CNTN6: variants seen among roughly 807,000 people sequenced by gnomAD.
The protein encoded by CNTN6 is contactin-6.
In CNTN6, 137 loss-of-function variants were observed where a neutral mutation model predicts 122.8. The observed-to-expected ratio is 1.12, with a 90% CI of 0.97 to 1.29. The LOEUF (loss-of-function observed/expected upper bound fraction) is 1.29, where lower values mean the gene tolerates loss of function less well. CNTN6 is among the 50% of genes most tolerant of loss of function. The pLI is 0.00. For synonymous variants in CNTN6, 570 were observed against 426.0 expected, an observed-to-expected ratio of 1.34 and a Z score of -4.16; for missense variants, 1,634 against 1,223.4, an observed-to-expected ratio of 1.34 and a Z score of -5.01.
Position 1,281,283 on chromosome 3 carries a change from C to T in CNTN6, c.454+2775C>T, listed in dbSNP as rs193270567. Among the ~76,000 whole-genome samples the T allele has an allele frequency of 6.8e-3, 1,040 of 152,208 alleles. 16 individuals are homozygous for T. Among genetic ancestry groups the T allele is most frequent in the African/African-American group, 0.024 (1,000 of 41,530 alleles). Reference sequence around the variant, plus strand: ...GCTCCATATTTCCTACCACACATGGCTCTCACAGAGAAACGTCCTAGAAAT... The same window carrying T: ...GCTCCATATTTCCTACCACACATGGTTCTCACAGAGAAACGTCCTAGAAAT... On this transcript the variant is annotated intron_variant, in intron 5 of 22. Transcript: ENST00000446702.
intron 7 of CNTN6, among the ~76,000 whole-genome samples, chr3:1,304,123 G>A (rs1367330359): frequency 6.6e-6 from 1 of 152,136 alleles, no homozygotes; most frequent in African/African-American, 2.4e-5. Context: ...TCAGCTTAGT[G>A]ACACAGTACT....
intron 22 of CNTN6, chr3:1,402,776 G>C (rs1695892423): frequency 7.5e-6 from 2 of 266,200 alleles, no homozygotes; most frequent in South Asian, 1.9e-4. Flanking sequence ...ACAAAAATCA[G>C]AAAGATTTTT....
At chr3:1,384,796 T>TACACAC (rs1168789647) in intron 19 of CNTN6, among the ~76,000 whole-genome samples, 13 of 133,800 alleles carry the variant, frequency 9.7e-5, no homozygotes, top group South Asian at 2.3e-4. Context: ...TATATATATA[T>TACACAC]ACACACACAC....
chr3:1,305,003 A>AAAC lies in CNTN6; in HGVS notation c.761+7013_761+7014insACA, dbSNP rs1407395821. 7.5e-4 allele frequency among the ~76,000 whole-genome samples: 114 copies of AAAC among 151,796 alleles called. 2 individuals are homozygous for AAAC. Among genetic ancestry groups the AAAC allele is most frequent in the Admixed American group, 2.4e-3 (37 of 15,234 alleles). On this transcript the variant is annotated intron_variant, in intron 7 of 22. Transcript: ENST00000446702. ...AGACTCTGTCAAAAAAAAAAAAAAAAACAAAATTCAAAAGATAAACTTGTA... is the reference window on the plus strand; with the variant it reads ...AGACTCTGTCAAAAAAAAAAAAAAAAAACACAAAATTCAAAAGATAAACTTGTA...
chr3:1,323,316 A>G (rs1444447639), intron 8 of CNTN6, among the ~76,000 whole-genome samples: 2 of 151,782 alleles, frequency 1.3e-5, no homozygotes. Flanking sequence ...AGAACCTTGA[A>G]ATGTCTTCTG....
intron 2 of CNTN6, among the ~76,000 whole-genome samples, chr3:1,168,826 A>G (rs188087070): frequency 6.6e-6 from 1 of 152,198 alleles, no homozygotes; most frequent in Non-Finnish European, 1.5e-5. Flanking sequence ...AAAAAGGGAC[A>G]TTCTAGAAGC....
intron 4 of CNTN6, among the ~76,000 whole-genome samples, chr3:1,250,017 A>C: frequency 6.6e-6 from 1 of 152,048 alleles, no homozygotes; most frequent in East Asian, 1.9e-4. Flanking sequence ...TTTTTATTTA[A>C]AAAGGTGTAA....
At chr3:1,323,795 C>T (rs772440177) in intron 8 of CNTN6, among the ~76,000 whole-genome samples, 1 of 151,668 alleles carries the variant, frequency 6.6e-6, no homozygotes, top group African/African-American at 2.4e-5. Context: ...ACCCAAAATC[C>T]TAAGCCTCTT....
intron 7 of CNTN6, among the ~76,000 whole-genome samples, chr3:1,299,308 A>G (rs1164277405): frequency 6.6e-6 from 1 of 152,166 alleles, no homozygotes; most frequent in Non-Finnish European, 1.5e-5. Context: ...AAAATATTAA[A>G]TGTCATCAAA....
intron 4 of CNTN6, among the ~76,000 whole-genome samples, chr3:1,249,909 G>T (rs1181077775): frequency 3.9e-5 from 3 of 76,708 alleles, no homozygotes; most frequent in African/African-American, 2.4e-4. Context: ...CCTTCTGAAA[G>T]GCTCTGTTTT....
chr3:1,334,700 C>T lies in CNTN6; in HGVS notation c.1364+4765C>T, dbSNP rs143428019. On this transcript the variant is annotated intron_variant, in intron 11 of 22. Transcript: ENST00000446702. ...TTTACAGAGAGCCCTATCAGCTAGG[C>T]TGTAAGCTCCATGAAGGCACCGAGC... Among the ~76,000 whole-genome samples the T allele has an allele frequency of 2.6e-5, 4 of 152,186 alleles. No homozygotes were observed. The East Asian group carries it at 7.7e-4, about 29-fold the overall frequency.
intron 4 of CNTN6, among the ~76,000 whole-genome samples, chr3:1,268,353 A>G (rs989188310): frequency 6.6e-6 from 1 of 152,010 alleles, no homozygotes; most frequent in African/African-American, 2.4e-5. Flanking sequence ...CACGCTTGTA[A>G]TCCCAGCACT....
intron 4 of CNTN6, among the ~76,000 whole-genome samples, chr3:1,267,834 C>G (rs1265703341): frequency 6.6e-6 from 1 of 152,124 alleles, no homozygotes; most frequent in Admixed American, 6.5e-5. Flanking sequence ...GGAATATACA[C>G]GTTTCTTTTG....
intron 2 of CNTN6, among the ~76,000 whole-genome samples, chr3:1,155,633 G>A (rs60363921): frequency 0.16 from 24,259 of 152,044 alleles, 2,878 homozygotes; most frequent in African/African-American, 0.32. Context: ...TTAACATACA[G>A]CCAGTGCTGT....
intron 2 of CNTN6, among the ~76,000 whole-genome samples, chr3:1,212,797 C>A (rs1018365140): frequency 6.6e-6 from 1 of 152,036 alleles, no homozygotes; most frequent in African/African-American, 2.4e-5. Context: ...TAAAGACTTG[C>A]TGTTATTTCA....
intron 1 of CNTN6, among the ~76,000 whole-genome samples, chr3:1,096,670 C>G (rs1020595253): frequency 6.6e-6 from 1 of 152,134 alleles, no homozygotes; most frequent in Non-Finnish European, 1.5e-5. Context: ...ATGTTTCCTT[C>G]TCTTAACACT....
chr3:1,167,379 C>T (rs1011183056), intron 2 of CNTN6, among the ~76,000 whole-genome samples: 1 of 152,140 alleles, frequency 6.6e-6, no homozygotes, highest in Non-Finnish European at 1.5e-5. Context: ...ACCTAGATGA[C>T]GTATCTGAAA....
At chr3:1,304,987 CAAAAA>C (rs4065396) in intron 7 of CNTN6, among the ~76,000 whole-genome samples, 1 of 103,310 alleles carries the variant, frequency 9.7e-6, no homozygotes, top group Admixed American at 1.0e-4. Context: ...GAGACTCTGT[CAAAAA>C]AAAAAAAAAA....
chr3:1,315,928 G>T (rs759351808), intron 7 of CNTN6, among the ~76,000 whole-genome samples: 1 of 151,738 alleles, frequency 6.6e-6, no homozygotes, highest in Admixed American at 6.6e-5. Context: ...GTGTATAAAT[G>T]ATTCGTAAAT....
Sources: gnomAD v4.1 joint callset for allele counts (sites outside exome capture counted in the v4.1 genomes callset) on GRCh38, gnomAD v4.1.1 for gene constraint, MANE v1.5 for transcripts, NCBI Gene and HGNC (gene_info 2026-07-23, HGNC 2026-07-21) for gene names.